Variants in SLC2A14 observed in about 807,000 individuals in gnomAD.
The protein encoded by SLC2A14 is solute carrier family 2, facilitated glucose transporter member 14.
In SLC2A14, 13 loss-of-function variants were observed where a neutral mutation model predicts 43.0. The ratio of observed to expected loss-of-function variants is 0.30; its 90% CI spans 0.20 to 0.48. The LOEUF (loss-of-function observed/expected upper bound fraction) is 0.48, where lower values mean the gene tolerates loss of function less well. SLC2A14 is among the 20% of genes least tolerant of loss of function. The pLI, the probability that SLC2A14 is intolerant of heterozygous loss-of-function variation, is 0.99. For synonymous variants in SLC2A14, 190 were observed against 233.8 expected, an observed-to-expected ratio of 0.81 and a Z score of 1.71; for missense variants, 428 against 620.4, an observed-to-expected ratio of 0.69 and a Z score of 3.29.
chr12:7,853,910 G>A (rs992432811), intron 2 of SLC2A14, among the ~76,000 whole-genome samples: 9 of 152,176 alleles, frequency 5.9e-5, no homozygotes, highest in Non-Finnish European at 1.0e-4. Context: ...AACCCTGAAT[G>A]GAAATGAGCA....
intron 1 of SLC2A14, chr12:7,870,698 G>C (rs913976130): frequency 1.4e-5 from 4 of 287,174 alleles, no homozygotes; most frequent in African/African-American, 4.5e-5. Context: ...TTATCTTCTA[G>C]GTCATTCACA....
intron 2 of SLC2A14, chr12:7,839,924 CAAAAAAAAAAAAAA>C (rs57569188): frequency 5.9e-3 from 981 of 167,236 alleles, no homozygotes; most frequent in East Asian, 0.015. Flanking sequence ...CCTGTCTCTA[CAAAAAAAAAAAAAA>C]AAAAAAAAAA....
rs139039715 is a variant in SLC2A14 at position 7,842,258 on chromosome 12, C to T, written c.19-9444G>A. Among the ~76,000 whole-genome samples, 5 of 152,178 alleles carry T rather than the reference C, an allele frequency of 3.3e-5. No individual in the cohort carries two copies. In the South Asian group the frequency reaches 1.0e-3, roughly 32 times the overall value. On this transcript the variant is annotated intron_variant, in intron 2 of 10. Coordinates refer to ENST00000431042, the MANE Select transcript of SLC2A14 (RefSeq NM_001286234.2). ...TGGATAATATTCCATTATTTGGATGCACCACAGTTTATCCCTTCACCTACT... is the reference window on the plus strand; with the variant it reads ...TGGATAATATTCCATTATTTGGATGTACCACAGTTTATCCCTTCACCTACT...
upstream of SLC2A14, among the ~76,000 whole-genome samples, chr12:7,875,608 G>C (rs190370566): frequency 3.3e-4 from 50 of 152,134 alleles, no homozygotes; most frequent in African/African-American, 1.2e-3. Context: ...ATGGTATTAG[G>C]GTATAGAGCC....
intron 2 of SLC2A14, chr12:7,863,538 A>C: frequency 2.5e-6 from 1 of 392,206 alleles, no homozygotes; most frequent in South Asian, 1.9e-5. Flanking sequence ...GAGGCAGGAG[A>C]ATGAACCCAG....
chr12:7,886,151 C>CTGTTTTTTTT (rs1945684984), intron 1 of SLC2A14, among the ~76,000 whole-genome samples: 1 of 44,696 alleles, frequency 2.2e-5, no homozygotes, highest in African/African-American at 8.9e-5. Flanking sequence ...GCCCGGACAG[C>CTGTTTTTTTT]TTTTTTTTTT....
Position 7,872,861 on chromosome 12 carries a change from T to G in SLC2A14, c.-112A>C. 1 of 985,260 alleles carries G rather than the reference T, an allele frequency of 1.0e-6. No individual in the cohort carries two copies. The highest frequency in any genetic ancestry group is 4.7e-5 in the South Asian group (1 of 21,270). 61.0% of individuals were successfully genotyped at this position (985,260 alleles called of 1,614,324 possible). A position where few individuals can be genotyped will look rare whatever the true frequency, so the allele number is the denominator to read the frequency against. ...CCGCGGCTTCGCTCAACCACGCACC[T>G]CCCGGGCCGCTGCGCCCCCGCCGGC... On this transcript the variant is annotated 5_prime_UTR_variant, in exon 1 of 11. Transcript: ENST00000431042.
intron 1 of SLC2A14, among the ~76,000 whole-genome samples, chr12:7,885,551 TAA>T (rs1400267466): frequency 2.1e-5 from 2 of 96,728 alleles, no homozygotes; most frequent in African/African-American, 7.0e-5. Context: ...GTTAAATTGG[TAA>T]GTTTTTTTTT....
chr12:7,818,135 T>C lies in SLC2A14; in HGVS notation c.1072-101A>G, dbSNP rs558796761. 3,656 of 1,044,520 alleles carry C rather than the reference T, an allele frequency of 3.5e-3. 13 individuals are homozygous for C. The highest frequency in any genetic ancestry group is 4.7e-3 in the Non-Finnish European group (3,422 of 721,912). 64.7% of individuals were successfully genotyped at this position (1,044,520 alleles called of 1,614,324 possible). On this transcript the variant is annotated intron_variant, in intron 9 of 10. Transcript: ENST00000431042. ...ATGGCAAGCTCCTCCTGTCCTGACG[T>C]ACAATACAAAGAGTGGCTGTGGAAT...
intron 2 of SLC2A14, among the ~76,000 whole-genome samples, chr12:7,859,200 C>T (rs1944410242): frequency 6.6e-6 from 1 of 151,942 alleles, no homozygotes; most frequent in African/African-American, 2.4e-5. Flanking sequence ...ATCAGCCTGA[C>T]GAACACGGTG....
At chr12:7,854,603 C>T (rs923914151) in intron 2 of SLC2A14, among the ~76,000 whole-genome samples, 4 of 152,024 alleles carry the variant, frequency 2.6e-5, no homozygotes, top group Admixed American at 6.6e-5. Flanking sequence ...TGGCAACCTC[C>T]GCCTCCCGGG....
At chr12:7,882,902 AG>A (rs897365377) in intron 1 of SLC2A14, among the ~76,000 whole-genome samples, 3 of 144,830 alleles carry the variant, frequency 2.1e-5, no homozygotes, top group African/African-American at 5.0e-5. Context: ...AAAAAAAAAA[AG>A]GACTAAGACT....
At chr12:7,871,653 G>C (rs746001966) in intron 1 of SLC2A14, among the ~76,000 whole-genome samples, 1 of 152,118 alleles carries the variant, frequency 6.6e-6, no homozygotes, top group East Asian at 1.9e-4. Flanking sequence ...CCAGGACCTG[G>C]AGGTACTGAG....
chr12:7,859,227 A>G (rs1447785426), intron 2 of SLC2A14, among the ~76,000 whole-genome samples: 2 of 151,984 alleles, frequency 1.3e-5, no homozygotes, highest in Non-Finnish European at 2.9e-5. Flanking sequence ...TGTCTGTACT[A>G]AAAATACAAA....
At chr12:7,842,758 C>T (rs745822459) in intron 2 of SLC2A14, among the ~76,000 whole-genome samples, 56 of 141,420 alleles carry the variant, frequency 4.0e-4, no homozygotes, top group Admixed American at 1.9e-3. Context: ...GATGGAGTTT[C>T]GCTCTTGTTG....
At position 7,812,849 on chromosome 12, in the gene SLC2A14, GA is replaced by G. The variant is rs1012480198; in HGVS notation, c.*1466del. ...GGGAAAGGGAGACTGAGCAACATAT[GA>G]AAAAGGGGCTGTAGGAACAAACACA... On this transcript the variant is annotated 3_prime_UTR_variant, in exon 11 of 11. Coordinates refer to ENST00000431042, the MANE Select transcript of SLC2A14 (RefSeq NM_001286234.2). The G allele has an allele frequency of 2.0e-5, 3 of 152,114 alleles. No homozygotes were observed. The highest frequency in any genetic ancestry group is 4.8e-5 in the African/African-American group (2 of 41,434). The allele number at this position is 152,114 out of a possible 1,614,324, so 9.4% of individuals were successfully genotyped here.
chr12:7,823,251 T>A (rs1216816929), intron 7 of SLC2A14, among the ~76,000 whole-genome samples: 2 of 151,620 alleles, frequency 1.3e-5, no homozygotes, highest in Non-Finnish European at 2.9e-5. Flanking sequence ...GGTGTGGTGG[T>A]GGGTACCTAT....
chr12:7,840,999 T>G (rs1454062556), intron 2 of SLC2A14, among the ~76,000 whole-genome samples: 1 of 152,166 alleles, frequency 6.6e-6, no homozygotes. Flanking sequence ...AGTGTTCCCT[T>G]TCTCTTTCAT....
intron 2 of SLC2A14, among the ~76,000 whole-genome samples, chr12:7,853,095 G>A (rs1327141838): frequency 6.6e-6 from 1 of 152,050 alleles, no homozygotes; most frequent in Non-Finnish European, 1.5e-5. Context: ...ATGAAAATAA[G>A]AAGAGACATT....
Sources: gnomAD v4.1 joint callset for allele counts (sites outside exome capture counted in the v4.1 genomes callset) on GRCh38, gnomAD v4.1.1 for gene constraint, MANE v1.5 for transcripts, NCBI Gene and HGNC (gene_info 2026-07-23, HGNC 2026-07-21) for gene names.